HSD17B7: variants seen among roughly 807,000 people sequenced by gnomAD.
The protein encoded by HSD17B7 is hydroxysteroid 17-beta dehydrogenase 7.
Under a neutral mutation model 34.1 loss-of-function variants are expected in HSD17B7, and 17 were observed. The observed-to-expected ratio is 0.50, with a 90% CI of 0.34 to 0.75. The LOEUF (loss-of-function observed/expected upper bound fraction) is 0.75, where lower values mean the gene tolerates loss of function less well. HSD17B7 is among the 30% of genes least tolerant of loss of function. HSD17B7 has a pLI of 0.01. For missense variants in HSD17B7, 296 were observed against 406.6 expected (o/e 0.73, Z 2.34); for synonymous variants, 122 against 154.6 (o/e 0.79, Z 1.56).
chr1:162,795,932 C>T (rs982786108), intron 2 of HSD17B7, among the ~76,000 whole-genome samples: 6 of 152,110 alleles, frequency 3.9e-5, no homozygotes, highest in Non-Finnish European at 5.9e-5. Context: ...ATATCCCTTC[C>T]GTGACAAGTA....
At chr1:162,801,466 TCA>T (rs1208496359) in intron 5 of HSD17B7, among the ~76,000 whole-genome samples, 2 of 152,226 alleles carry the variant, frequency 1.3e-5, no homozygotes, top group Non-Finnish European at 2.9e-5. Flanking sequence ...TATGAAGCAC[TCA>T]CAGCAGTGTT....
In HSD17B7 at chr1:162,792,680, C is replaced by T; in HGVS notation, c.57C>T (p.Cys19=). The change falls in exon 2 of 9, where the codon TGC becomes TGT. Residue 19 remains cysteine (C), a synonymous_variant. Coordinates refer to ENST00000254521, the MANE Select transcript of HSD17B7 (RefSeq NM_016371.4). ...GASSGIGLAL[C]KRLLAEDDEL... ...CCAGTGGCATTGGCCTGGCCCTCTG[C>T]AAGCGGCTGCTGGCGGAAGATGATG... 6.2e-7 allele frequency: 1 copy of T among 1,613,394 alleles called. No individual in the cohort carries two copies. Among genetic ancestry groups the T allele is most frequent in the Non-Finnish European group, 8.5e-7 (1 of 1,179,716 alleles).
chr1:162,811,280 ACT>A (rs1204393188), intron 8 of HSD17B7, among the ~76,000 whole-genome samples: 1 of 151,940 alleles, frequency 6.6e-6, no homozygotes, highest in African/African-American at 2.4e-5. Context: ...ATCGGCCCCC[ACT>A]CTCTTCTGGC....
At chr1:162,808,387 G>T (rs1649059654) in intron 8 of HSD17B7, among the ~76,000 whole-genome samples, 1 of 152,166 alleles carries the variant, frequency 6.6e-6, no homozygotes. Flanking sequence ...AGTATAGTTT[G>T]AAGTCAGGTA....
intron 8 of HSD17B7, among the ~76,000 whole-genome samples, chr1:162,808,049 A>G (rs963961150): frequency 1.3e-5 from 2 of 152,148 alleles, no homozygotes; most frequent in African/African-American, 4.8e-5. Flanking sequence ...GCCCATGCCT[A>G]TGTCCTGAAT....
intron 3 of HSD17B7, chr1:162,797,154 T>A (rs1366658263): frequency 3.1e-5 from 5 of 163,038 alleles, no homozygotes; most frequent in Non-Finnish European, 6.8e-5. Context: ...GGAGAATTCT[T>A]ATTTATAGGA....
At chr1:162,807,691 T>C (rs571809829) in intron 8 of HSD17B7, among the ~76,000 whole-genome samples, 3 of 152,294 alleles carry the variant, frequency 2.0e-5, no homozygotes, top group Admixed American at 1.3e-4. Flanking sequence ...TGGTATCTCA[T>C]TGTGGTTTTG....
In HSD17B7 at chr1:162,792,780, C is replaced by T. The variant is rs748509639; in HGVS notation, c.157C>T (p.Pro53Ser). 6.2e-7 allele frequency: 1 copy of T among 1,614,214 alleles called. No homozygotes were observed. The highest frequency in any genetic ancestry group is 8.5e-7 in the Non-Finnish European group (1 of 1,180,044). Residue 53 changes from proline to serine, a missense_variant, in exon 2 of 9, where the codon CCC (proline) becomes TCC (serine). Transcript: ENST00000254521. ...AVCAALLASH[P>S]TAEVTIVQVD... ...CTGTGCTGCTCTGCTGGCCTCTCAC[C>T]CCACTGCTGAGGTCACCATTGTCCA...
Position 162,797,809 on chromosome 1 carries a change from A to C in HSD17B7, c.340A>C (p.Ile114Leu). 6.2e-7 allele frequency: 1 copy of C among 1,610,284 alleles called. No homozygotes were observed. The change falls in exon 4 of 9, where the codon ATT becomes CTT. Residue 114 changes from isoleucine (I) to leucine (L), a missense_variant. Ile to Leu is a conservative substitution (Grantham distance 5, BLOSUM62 2). Transcript: ENST00000254521. The part of the protein sequence containing the change: ...LFFGLFSRKV[I>L]HMFSTAEGLL... ...TATCTTCTGCTGTTTCAGAAAAGTG[A>C]TTCATATGTTCTCCACAGCTGAAGG...
chr1:162,796,191 T>A (rs1401076880), intron 2 of HSD17B7, among the ~76,000 whole-genome samples: 2 of 152,106 alleles, frequency 1.3e-5, no homozygotes, highest in Non-Finnish European at 2.9e-5. Context: ...ATTTTTTTTT[T>A]AAAGCAAGAC....
intron 8 of HSD17B7, 99 bp downstream of exon 8, chr1:162,805,591 T>C: frequency 6.6e-7 from 1 of 1,519,736 alleles, no homozygotes; most frequent in Non-Finnish European, 8.9e-7. Flanking sequence ...TTCGCTTCTC[T>C]GGGTACTCAC....
At position 162,812,442 on chromosome 1, in the gene HSD17B7, A is replaced by G; in HGVS notation, c.*22A>G. 1 of 1,562,780 alleles carries G rather than the reference A, an allele frequency of 6.4e-7. No individual in the cohort carries two copies. The highest frequency in any genetic ancestry group is 8.7e-7 in the Non-Finnish European group (1 of 1,148,790). On this transcript the variant is annotated 3_prime_UTR_variant, in exon 9 of 9. Coordinates refer to ENST00000254521, the MANE Select transcript of HSD17B7 (RefSeq NM_016371.4). ...ATAATTCCAGCACTTTGGGAGGCCA[A>G]GGCAGAAGGATCACTTGAGACCAGG...
intron 8 of HSD17B7, among the ~76,000 whole-genome samples, chr1:162,806,287 G>A (rs1055053646): frequency 3.9e-5 from 6 of 152,126 alleles, no homozygotes; most frequent in Admixed American, 1.3e-4. Flanking sequence ...GACTGTTATC[G>A]CAGGTAAGTC....
At chr1:162,807,252 C>T (rs1649014538) in intron 8 of HSD17B7, among the ~76,000 whole-genome samples, 1 of 152,142 alleles carries the variant, frequency 6.6e-6, no homozygotes, top group Non-Finnish European at 1.5e-5. Flanking sequence ...TGATAGTTTG[C>T]TGAGAATGAT....
rs1418678466 is a variant in HSD17B7 at position 162,812,315 on chromosome 1, C to CAG, written c.922_923insGA (p.Thr308ArgfsTer49). On this transcript the variant is annotated frameshift_variant, in exon 9 of 9. Coordinates refer to ENST00000254521, the MANE Select transcript of HSD17B7 (RefSeq NM_016371.4). LOFTEE classifies it high-confidence loss of function. ...TTTTCCAGATGGACCTAGATGAAGA[C>CAG]ACTGCTGAAAAATTTTATCAAAAGT... 6.2e-7 allele frequency: 1 copy of CAG among 1,612,430 alleles called. No individual in the cohort carries two copies.
rs539417536 is a variant in HSD17B7 at position 162,796,869 on chromosome 1, G to A, written c.332+192G>A. 1.3e-4 allele frequency among the ~76,000 whole-genome samples: 20 copies of A among 152,176 alleles called. No homozygotes were observed. The East Asian group carries it at 1.4e-3, about 10-fold the overall frequency. ...TTTTGTGGGGAGTGCTGAAAGTCCC[G>A]TTTTTTATGGTATTCTAAGTCTCCA... On this transcript the variant is annotated intron_variant, in intron 3 of 8. Coordinates refer to ENST00000254521, the MANE Select transcript of HSD17B7 (RefSeq NM_016371.4).
intron 8 of HSD17B7, 64 bp from the exon 9 acceptor site, chr1:162,812,223 ATGCCTTTTTTT>A (rs1649190963): frequency 6.6e-7 from 1 of 1,511,200 alleles, no homozygotes. Flanking sequence ...CATATATTGA[ATGCCTTTTTTT>A]TATACAAATA....
intron 2 of HSD17B7, among the ~76,000 whole-genome samples, chr1:162,794,892 G>A (rs1648550220): frequency 1.3e-5 from 2 of 152,248 alleles, no homozygotes; most frequent in South Asian, 2.1e-4. Context: ...TTAGTATTTC[G>A]TAAGATATTT....
intron 7 of HSD17B7, among the ~76,000 whole-genome samples, chr1:162,804,580 C>T (rs569095201): frequency 2.0e-5 from 3 of 152,214 alleles, no homozygotes; most frequent in African/African-American, 4.8e-5. Flanking sequence ...GCAAGATACA[C>T]CAGCAGCTAG....
Sources: allele counts gnomAD v4.1 joint callset (sites outside exome capture counted in the v4.1 genomes callset), GRCh38; gene constraint gnomAD v4.1.1; transcripts MANE v1.5; gene names NCBI Gene and HGNC (gene_info 2026-07-23, HGNC 2026-07-21).